SCFD2: variants seen among roughly 807,000 people sequenced by gnomAD.
SCFD2 encodes the protein sec1 family domain-containing protein 2.
In SCFD2, 54 loss-of-function variants were observed where a neutral mutation model predicts 58.9. The observed-to-expected ratio is 0.92, with a 90% CI of 0.74 to 1.15. The LOEUF is 1.15. SCFD2 is among the 50% of genes most tolerant of loss of function. SCFD2 has a pLI of 0.00. For missense variants in SCFD2, 805 were observed against 836.6 expected, an observed-to-expected ratio of 0.96 and a Z score of 0.47; for synonymous variants, 321 against 335.9, an observed-to-expected ratio of 0.96 and a Z score of 0.49.
At chr4:52,997,090 GT>G (rs951187170) in intron 5 of SCFD2, among the ~76,000 whole-genome samples, 5 of 152,202 alleles carry the variant, frequency 3.3e-5, no homozygotes, top group African/African-American at 1.2e-4. Context: ...TATTGACTAG[GT>G]TTGGCTCAGG....
chr4:52,967,867 T>C (rs774613639), intron 5 of SCFD2, among the ~76,000 whole-genome samples: 9 of 152,150 alleles, frequency 5.9e-5, no homozygotes, highest in Non-Finnish European at 1.3e-4. Flanking sequence ...CTTTTTCCCC[T>C]CCCTATGTCA....
chr4:52,941,538 C>T (rs1560487795), intron 5 of SCFD2, among the ~76,000 whole-genome samples: 1 of 152,172 alleles, frequency 6.6e-6, no homozygotes, highest in Non-Finnish European at 1.5e-5. Context: ...TGAATTATTA[C>T]CCCACTGTGT....
chr4:53,254,865 T>TTTTA (rs1730546413), intron 4 of SCFD2, among the ~76,000 whole-genome samples: 1 of 137,288 alleles, frequency 7.3e-6, no homozygotes, highest in Admixed American at 7.3e-5. Flanking sequence ...ATTTTATTTA[T>TTTTA]TTTATTTTAT....
chr4:53,326,555 C>T lies in SCFD2; in HGVS notation c.1008-12792G>A, dbSNP rs780094191. The stretch of plus-strand genomic sequence containing the variant: ...GTGAACATCATTATAAATGGGGGAA[C>T]GTTAGAGATATTCCTCTTAAAATCA... On this transcript the variant is annotated intron_variant, in intron 2 of 8. Transcript: ENST00000401642. 1.1e-3 allele frequency among the ~76,000 whole-genome samples: 174 copies of T among 152,000 alleles called. 4 individuals carry two copies. Among genetic ancestry groups the T allele is most frequent in the Non-Finnish European group, 2.8e-4 (19 of 67,968 alleles).
At chr4:53,297,188 A>G (rs1732067833) in intron 3 of SCFD2, among the ~76,000 whole-genome samples, 1 of 152,190 alleles carries the variant, frequency 6.6e-6, no homozygotes, top group Non-Finnish European at 1.5e-5. Context: ...TCTCCTAAAT[A>G]TCCTTGTGAA....
chr4:53,246,615 A>G (rs1277386723), intron 4 of SCFD2, among the ~76,000 whole-genome samples: 2 of 152,212 alleles, frequency 1.3e-5, no homozygotes, highest in Non-Finnish European at 2.9e-5. Context: ...CCTATTCAAT[A>G]AATGGTGCTG....
intron 4 of SCFD2, among the ~76,000 whole-genome samples, chr4:53,220,718 G>A (rs1729024241): frequency 6.6e-6 from 1 of 152,202 alleles, no homozygotes; most frequent in Non-Finnish European, 1.5e-5. Context: ...GAAGTCACAT[G>A]CAAGGCTTCA....
chr4:53,253,675 T>A (rs1261604384), intron 4 of SCFD2, among the ~76,000 whole-genome samples: 1 of 134,834 alleles, frequency 7.4e-6, no homozygotes, highest in Non-Finnish European at 1.5e-5. Context: ...CACTCATAGA[T>A]GGGAATTGAA....
chr4:53,050,998 T>C (rs1723176495), intron 5 of SCFD2, among the ~76,000 whole-genome samples: 1 of 152,168 alleles, frequency 6.6e-6, no homozygotes, highest in East Asian at 1.9e-4. Flanking sequence ...CAGGTTATTT[T>C]CCTTCATAGC....
chr4:53,201,371 T>A (rs1296621453), intron 4 of SCFD2, among the ~76,000 whole-genome samples: 1 of 152,224 alleles, frequency 6.6e-6, no homozygotes, highest in Admixed American at 6.5e-5. Flanking sequence ...TTTTTATGGC[T>A]CCATAGTATT....
At position 53,200,719 on chromosome 4, in the gene SCFD2, A is replaced by G. The variant is rs78870197; in HGVS notation, c.1312-55137T>C. ...ATTAAATCCTGACTATTTATTGCTG[A>G]AGGATAAATGTAGACTAAAGTACAT... On this transcript the variant is annotated intron_variant, in intron 4 of 8. Coordinates refer to ENST00000401642, the MANE Select transcript of SCFD2 (RefSeq NM_152540.4). Among the ~76,000 whole-genome samples the G allele has an allele frequency of 2.4e-4, 36 of 152,310 alleles. No homozygotes were observed. In the East Asian group the frequency reaches 6.6e-3, roughly 28 times the overall value.
chr4:52,900,690 C>T (rs1213911067), intron 7 of SCFD2, among the ~76,000 whole-genome samples: 1 of 152,204 alleles, frequency 6.6e-6, no homozygotes, highest in African/African-American at 2.4e-5. Flanking sequence ...ACATTTAAGA[C>T]TGCAGAGGTT....
At chr4:53,106,479 A>G (rs1235611866) in intron 5 of SCFD2, among the ~76,000 whole-genome samples, 1 of 152,208 alleles carries the variant, frequency 6.6e-6, no homozygotes, top group Non-Finnish European at 1.5e-5. Flanking sequence ...CCTTGAAAAA[A>G]GGTTAGAGGA....
intron 5 of SCFD2, among the ~76,000 whole-genome samples, chr4:52,983,093 T>C (rs750288124): frequency 5.3e-5 from 8 of 152,204 alleles, no homozygotes; most frequent in Non-Finnish European, 4.4e-5. Context: ...TACAAGGTAT[T>C]GTTTCAGTGC....
chr4:53,018,075 G>A (rs1450606010), intron 5 of SCFD2, among the ~76,000 whole-genome samples: 1 of 152,150 alleles, frequency 6.6e-6, no homozygotes, highest in Non-Finnish European at 1.5e-5. Context: ...GCGTTTGTTT[G>A]TTGTCTTCCC....
intron 4 of SCFD2, among the ~76,000 whole-genome samples, chr4:53,227,518 T>A (rs1254211218): frequency 6.6e-6 from 1 of 152,146 alleles, no homozygotes; most frequent in Non-Finnish European, 1.5e-5. Flanking sequence ...GATTTTGAAG[T>A]AAATGCAAAC....
chr4:52,874,271 C>G (rs1196435053), intron 8 of SCFD2, among the ~76,000 whole-genome samples: 1 of 152,176 alleles, frequency 6.6e-6, no homozygotes, highest in African/African-American at 2.4e-5. Flanking sequence ...GACAGATGGC[C>G]TGTGGGACAG....
At chr4:53,293,625 C>T (rs1250043560) in intron 3 of SCFD2, among the ~76,000 whole-genome samples, 1 of 152,162 alleles carries the variant, frequency 6.6e-6, no homozygotes, top group Non-Finnish European at 1.5e-5. Context: ...GAAAGTTCCT[C>T]AACCTAACAA....
intron 5 of SCFD2, among the ~76,000 whole-genome samples, chr4:52,926,381 T>TACAC (rs5858192): frequency 1.1e-4 from 17 of 151,862 alleles, no homozygotes; most frequent in South Asian, 4.2e-4. Context: ...AACACACAAA[T>TACAC]ACACACACAG....
Sources: gnomAD v4.1 joint callset for allele counts (sites outside exome capture counted in the v4.1 genomes callset) on GRCh38, gnomAD v4.1.1 for gene constraint, MANE v1.5 for transcripts, NCBI Gene and HGNC (gene_info 2026-07-23, HGNC 2026-07-21) for gene names.